Variants in SOX6 observed in about 807,000 individuals in gnomAD.
The protein encoded by SOX6 is transcription factor SOX-6.
SOX6 carries 11 observed loss-of-function variants against 97.8 expected under a neutral mutation model. The ratio of observed to expected loss-of-function variants is 0.11; its 90% confidence interval spans 0.07 to 0.19. The LOEUF is 0.19. Among genes scored for constraint, SOX6 ranks in the 10% least tolerant of loss-of-function variants. SOX6 has a pLI of 1.00. For missense variants in SOX6, 810 were observed against 1,039.5 expected (o/e 0.78, Z 3.04); for synonymous variants, 360 against 371.4 (o/e 0.97, Z 0.35).
intron 12 of SOX6, among the ~76,000 whole-genome samples, chr11:16,044,310 C>A (rs58248240): frequency 0.024 from 3,652 of 152,154 alleles, 145 homozygotes; most frequent in African/African-American, 0.083. Context: ...AAATTACCTA[C>A]AACTGTATTA....
intron 1 of SOX6, among the ~76,000 whole-genome samples, chr11:16,396,310 C>T (rs1249703991): frequency 6.6e-6 from 1 of 151,480 alleles, no homozygotes; most frequent in Non-Finnish European, 1.5e-5. Context: ...AAATATAGGC[C>T]AGAACATTAG....
chr11:16,131,424 T>C (rs1849736718), intron 6 of SOX6, among the ~76,000 whole-genome samples: 1 of 151,862 alleles, frequency 6.6e-6, no homozygotes. Flanking sequence ...TCCACTAGAA[T>C]GGTAAAAATT....
chr11:16,121,568 GCTT>G (rs1260835676), intron 6 of SOX6, among the ~76,000 whole-genome samples: 1 of 151,872 alleles, frequency 6.6e-6, no homozygotes. Flanking sequence ...CCAGTTTTCA[GCTT>G]ACTTTGGAAT....
At chr11:16,043,055 C>T (rs1284344416) in intron 12 of SOX6, among the ~76,000 whole-genome samples, 1 of 152,166 alleles carries the variant, frequency 6.6e-6, no homozygotes, top group Non-Finnish European at 1.5e-5. Context: ...AAAAGGCCCA[C>T]CCTGCCTTGC....
chr11:16,601,578 T>C (rs1848270250), intron 4 of SOX6, among the ~76,000 whole-genome samples: 1 of 152,122 alleles, frequency 6.6e-6, no homozygotes, highest in Non-Finnish European at 1.5e-5. Context: ...AAGAGATACA[T>C]AACCGAACAA....
In SOX6 at chr11:16,266,785, T is replaced by C. The variant is rs1368734347; in HGVS notation, c.446-32114A>G. 2.0e-5 allele frequency among the ~76,000 whole-genome samples: 3 copies of C among 151,414 alleles called. No homozygotes were observed. In the East Asian group the frequency reaches 5.8e-4, roughly 29 times the overall value. ...ACCAAAATAATGCAACAGAAAGTCATAGCTAATAAACCAGCAAAAAATATA... is the reference window on the plus strand; with the variant it reads ...ACCAAAATAATGCAACAGAAAGTCACAGCTAATAAACCAGCAAAAAATATA... On this transcript the variant is annotated intron_variant, in intron 3 of 15. Coordinates refer to ENST00000683767, the MANE Select transcript of SOX6 (RefSeq NM_001367873.1).
At chr11:16,645,892 T>C (rs554248666) in intron 3 of SOX6, 7 of 152,006 alleles carry the variant, frequency 4.6e-5, no homozygotes, top group Non-Finnish European at 4.4e-5. Context: ...AGAAAACAAA[T>C]ATACTTAGTG....
chr11:16,484,796 C>T (rs1860401467), intron 4 of SOX6: 2 of 326,354 alleles, frequency 6.1e-6, no homozygotes, highest in African/African-American at 4.2e-5. Flanking sequence ...CTGCATGACT[C>T]TTTACCAAGA....
chr11:16,032,485 T>G (rs922719678), intron 12 of SOX6, among the ~76,000 whole-genome samples: 4 of 152,328 alleles, frequency 2.6e-5, no homozygotes, highest in East Asian at 1.9e-4. Flanking sequence ...CTGAGGTTTC[T>G]CCCAGAGAGA....
chr11:16,287,819 A>G (rs898659755), intron 3 of SOX6, among the ~76,000 whole-genome samples: 5 of 152,076 alleles, frequency 3.3e-5, no homozygotes, highest in African/African-American at 7.2e-5. Flanking sequence ...TTGACCCCAC[A>G]CTGGGAAGCT....
intron 3 of SOX6, among the ~76,000 whole-genome samples, chr11:16,622,261 T>C (rs561106706): frequency 1.3e-5 from 2 of 152,336 alleles, no homozygotes; most frequent in South Asian, 4.1e-4. Flanking sequence ...AGCTTTTGTG[T>C]ATACTGATTT....
intron 6 of SOX6, among the ~76,000 whole-genome samples, chr11:16,116,878 G>T (rs1482760577): frequency 6.6e-6 from 1 of 152,160 alleles, no homozygotes; most frequent in Non-Finnish European, 1.5e-5. Flanking sequence ...GAGGGACCTA[G>T]CCATGCTCCT....
chr11:16,603,490 C>T (rs1413906834), intron 4 of SOX6, among the ~76,000 whole-genome samples: 1 of 152,008 alleles, frequency 6.6e-6, no homozygotes, highest in Non-Finnish European at 1.5e-5. Flanking sequence ...AAGCTGCAAT[C>T]AGAGCACGGA....
chr11:16,046,532 G>A lies in SOX6; in HGVS notation c.1605C>T (p.Asn535=), dbSNP rs753836197. The A allele has an allele frequency of 6.2e-7, 1 of 1,613,476 alleles. No homozygotes were observed. The highest frequency in any genetic ancestry group is 1.1e-5 in the South Asian group (1 of 91,076). The change falls in exon 12 of 16, where the codon AAC becomes AAT. Residue 535 remains asparagine (N), a synonymous_variant. Coordinates refer to ENST00000683767, the MANE Select transcript of SOX6 (RefSeq NM_001367873.1). ...KLSSINNMGL[N]SCRNEKERTR... ...GTTTTACCTTTTCATTCCTGCAGCT[G>A]TTCAGCCCCATATTATTTATGGAGG...
chr11:16,285,624 C>T (rs1344272412), intron 3 of SOX6, among the ~76,000 whole-genome samples: 1 of 152,088 alleles, frequency 6.6e-6, no homozygotes, highest in African/African-American at 2.4e-5. Flanking sequence ...GTGACTGTCA[C>T]TGTGCTTAAT....
At chr11:16,261,454 A>G (rs1052713974) in intron 3 of SOX6, among the ~76,000 whole-genome samples, 3 of 152,152 alleles carry the variant, frequency 2.0e-5, no homozygotes, top group African/African-American at 7.2e-5. Flanking sequence ...GGCTATGCTT[A>G]GAGCACCACA....
At chr11:16,734,770 G>A (rs1848379319) in intron 2 of SOX6, among the ~76,000 whole-genome samples, 1 of 152,186 alleles carries the variant, frequency 6.6e-6, no homozygotes, top group East Asian at 1.9e-4. Flanking sequence ...TTGAGTGATA[G>A]TTTATATGTC....
At chr11:16,209,776 A>AT (rs1037982873) in intron 4 of SOX6, among the ~76,000 whole-genome samples, 14 of 151,392 alleles carry the variant, frequency 9.2e-5, no homozygotes, top group South Asian at 2.1e-4. Context: ...AATTATATAT[A>AT]TTTTTTTTTC....
chr11:16,004,239 A>G lies in SOX6; in HGVS notation c.1732+10703T>C, dbSNP rs749415755. Among the ~76,000 whole-genome samples the G allele has an allele frequency of 1.8e-4, 27 of 151,954 alleles. 1 individual carries two copies. Among genetic ancestry groups the G allele is most frequent in the Non-Finnish European group, 1.5e-4 (10 of 67,954 alleles). On this transcript the variant is annotated intron_variant, in intron 13 of 15. Transcript: ENST00000683767. ...TGAGGAAACTTTCAGGTTTAGAGAG[A>G]TTAAATTGTCCAAGTCTCACGGTTA...
Sources: allele counts gnomAD v4.1 joint callset (sites outside exome capture counted in the v4.1 genomes callset), GRCh38; gene constraint gnomAD v4.1.1; transcripts MANE v1.5; gene names NCBI Gene and HGNC (gene_info 2026-07-23, HGNC 2026-07-21).